The following NTRK3 variants were observed in gnomAD, a reference collection of about 807,000 sequenced individuals.
The protein encoded by NTRK3 is NT-3 growth factor receptor.
A neutral mutation model predicts 91.7 loss-of-function variants in NTRK3; 24 were observed. The ratio of observed to expected loss-of-function variants is 0.26; its 90% CI spans 0.19 to 0.37. NTRK3 has a LOEUF of 0.37. Ranked by LOEUF, NTRK3 falls within the 10% of genes least tolerant of loss-of-function variation. The pLI is 1.00. For synonymous variants in NTRK3, 483 were observed against 404.0 expected (o/e 1.20, Z -2.34); for missense variants, 880 against 1,068.9 (o/e 0.82, Z 2.46).
chr15:88,062,711 T>C (rs1261006608), intron 13 of NTRK3, among the ~76,000 whole-genome samples: 2 of 152,286 alleles, frequency 1.3e-5, no homozygotes, highest in Non-Finnish European at 2.9e-5. Context: ...AAGCCATTGT[T>C]ATTTGGAGCT....
intron 10 of NTRK3, among the ~76,000 whole-genome samples, chr15:88,133,971 A>G (rs1460367090): frequency 6.6e-6 from 1 of 152,208 alleles, no homozygotes; most frequent in African/African-American, 2.4e-5. Flanking sequence ...ACATAAATAA[A>G]GCTTCCTGGA....
intron 3 of NTRK3, among the ~76,000 whole-genome samples, chr15:88,216,576 C>T (rs1189747041): frequency 6.6e-6 from 1 of 152,144 alleles, no homozygotes. Context: ...ACAGGAATGG[C>T]CAGTGGGAGA....
intron 3 of NTRK3, among the ~76,000 whole-genome samples, chr15:88,236,808 A>G (rs1327116146): frequency 6.6e-6 from 1 of 151,360 alleles, no homozygotes; most frequent in Non-Finnish European, 1.5e-5. Context: ...TCAAAAGTAG[A>G]TAACAAAAAG....
In NTRK3 at chr15:88,207,167, T is replaced by C. The variant is rs182452940; in HGVS notation, c.249-22868A>G. On this transcript the variant is annotated intron_variant, in intron 3 of 18. Coordinates refer to ENST00000394480, the Ensembl canonical transcript of NTRK3. ...GCTCAATGGTATTTGTCAGGTTGCT[T>C]GACCCTAACAGGCTGGTTTCATGAG... Among the ~76,000 whole-genome samples, 244 of 152,280 alleles carry C rather than the reference T, an allele frequency of 1.6e-3. 2 individuals carry two copies. The highest frequency in any genetic ancestry group is 2.8e-3 in the Non-Finnish European group (189 of 68,024).
rs570569164 is a variant in NTRK3 at position 87,894,915 on chromosome 15, A to T, written c.2134-14487T>A. On this transcript the variant is annotated intron_variant, in intron 17 of 18. Transcript: ENST00000394480. ...GAACCAGTTCTTTGGCTCTCTTCTC[A>T]GCCACCTGATCATTTATTAGGCATA... Among the ~76,000 whole-genome samples, 7 of 152,140 alleles carry T rather than the reference A, an allele frequency of 4.6e-5. No homozygotes were observed. In the South Asian group the frequency reaches 1.5e-3, roughly 32 times the overall value.
intron 3 of NTRK3, among the ~76,000 whole-genome samples, chr15:88,202,800 G>A (rs1360044603): frequency 6.6e-6 from 1 of 152,326 alleles, no homozygotes; most frequent in Admixed American, 6.5e-5. Flanking sequence ...TCCCACAAAC[G>A]TGAGATCCCA....
intron 5 of NTRK3, among the ~76,000 whole-genome samples, chr15:88,162,597 C>A (rs1425030874): frequency 6.6e-5 from 10 of 152,298 alleles, no homozygotes; most frequent in African/African-American, 2.4e-4. Flanking sequence ...TCAGCATACG[C>A]GCTAAATGGT....
intron 3 of NTRK3, among the ~76,000 whole-genome samples, chr15:88,204,517 C>T (rs139136727): frequency 2.1e-4 from 32 of 152,298 alleles, no homozygotes; most frequent in African/African-American, 7.5e-4. Flanking sequence ...TCCTTTGATG[C>T]CCTGATCCTT....
intron 5 of NTRK3, among the ~76,000 whole-genome samples, chr15:88,162,183 C>G (rs2044520661): frequency 3.3e-5 from 5 of 152,212 alleles, no homozygotes; most frequent in Admixed American, 3.3e-4. Flanking sequence ...CCAGAAGGTT[C>G]TGTTCTTACT....
Position 88,241,772 on chromosome 15 carries a change from G to A in NTRK3, c.248+14134C>T, listed in dbSNP as rs1292982439. On this transcript the variant is annotated intron_variant, in intron 3 of 18. Transcript: ENST00000394480. This position sits in a 1 kb window ranked among gnomAD's most constrained non-coding sequence, Gnocchi z 4.3. Reference sequence around the variant, plus strand: ...GGCTGCCCTATATCCACAGCCCTCTGACTTTTCTGCCGAGAACATGGCCCC... The same window carrying A: ...GGCTGCCCTATATCCACAGCCCTCTAACTTTTCTGCCGAGAACATGGCCCC... Among the ~76,000 whole-genome samples, 1 of 152,194 alleles carries A rather than the reference G, an allele frequency of 6.6e-6. No homozygotes were observed. The highest frequency in any genetic ancestry group is 1.5e-5 in the Non-Finnish European group (1 of 68,018).
In NTRK3 at chr15:88,135,093, G is replaced by A. The variant is rs755916784; in HGVS notation, c.1204+8C>T. ...CATACACCTCCGATCCAGCTACGCT[G>A]CCCTCACCTGGAAAGGGCTCCTTGA... On this transcript the variant is annotated splice_region_variant and intron_variant, in intron 10 of 18. Coordinates refer to ENST00000394480, the Ensembl canonical transcript of NTRK3. The A allele has an allele frequency of 1.2e-6, 2 of 1,614,140 alleles. No individual in the cohort carries two copies. The highest frequency in any genetic ancestry group is 8.5e-7 in the Non-Finnish European group (1 of 1,179,968).
At chr15:87,994,733 A>G in intron 14 of NTRK3, among the ~76,000 whole-genome samples, 1 of 152,222 alleles carries the variant, frequency 6.6e-6, no homozygotes, top group Non-Finnish European at 1.5e-5. Flanking sequence ...ATAAGGCAGG[A>G]ATATGGGAAA....
At chr15:88,204,262 C>T (rs530942397) in intron 3 of NTRK3, among the ~76,000 whole-genome samples, 1 of 152,312 alleles carries the variant, frequency 6.6e-6, no homozygotes, top group African/African-American at 2.4e-5. Flanking sequence ...TTTCAGACAC[C>T]TGCTCTCGCC....
At chr15:88,114,718 C>T (rs1216816661) in intron 13 of NTRK3, among the ~76,000 whole-genome samples, 1 of 152,186 alleles carries the variant, frequency 6.6e-6, no homozygotes, top group Non-Finnish European at 1.5e-5. Context: ...TATGCAAGAA[C>T]CTCTAAGTAA....
chr15:88,001,192 T>A (rs1352670885), intron 14 of NTRK3, among the ~76,000 whole-genome samples: 1 of 152,208 alleles, frequency 6.6e-6, no homozygotes, highest in African/African-American at 2.4e-5. Flanking sequence ...TTTATTGGGT[T>A]GTCTTTTTAT....
chr15:87,930,557 C>T lies in NTRK3; in HGVS notation c.1890-1123G>A, dbSNP rs1280641358. On this transcript the variant is annotated intron_variant, in intron 16 of 18. Coordinates refer to ENST00000394480, the Ensembl canonical transcript of NTRK3. Reference sequence around the variant, plus strand: ...GGGGTCAGCAGAGAAGCCCTCCCTTCTGTCTGCCTGGAGAGTGCACTCCAG... The same window carrying T: ...GGGGTCAGCAGAGAAGCCCTCCCTTTTGTCTGCCTGGAGAGTGCACTCCAG... Among the ~76,000 whole-genome samples the T allele has an allele frequency of 2.0e-5, 3 of 152,138 alleles. No individual in the cohort carries two copies. In the East Asian group the frequency reaches 5.8e-4, roughly 29 times the overall value.
intron 13 of NTRK3, among the ~76,000 whole-genome samples, chr15:88,062,978 G>A (rs1164391982): frequency 3.3e-5 from 5 of 152,332 alleles, no homozygotes; most frequent in African/African-American, 4.8e-5. Flanking sequence ...GTGAGTAGGG[G>A]GGCTTCCCCA....
chr15:88,216,327 C>T (rs933105058), intron 3 of NTRK3, among the ~76,000 whole-genome samples: 3 of 152,344 alleles, frequency 2.0e-5, no homozygotes, highest in Admixed American at 1.3e-4. Context: ...GCTCAGCATC[C>T]TGGCCATCCT....
chr15:88,136,520 G>A (rs558840233), exon 8 of NTRK3: 2 of 1,614,108 alleles, frequency 1.2e-6, no homozygotes, highest in South Asian at 2.2e-5. Flanking sequence ...ACATCAGGAA[G>A]GGGTGATCCA....
Sources: allele counts gnomAD v4.1 joint callset (sites outside exome capture counted in the v4.1 genomes callset), GRCh38; gene constraint gnomAD v4.1.1; non-coding constraint Gnocchi (gnomAD v3.1); transcripts MANE v1.5; gene names NCBI Gene and HGNC (gene_info 2026-07-23, HGNC 2026-07-21).